The following KHDC1 variants were observed in gnomAD, a reference collection of about 807,000 sequenced individuals.
The protein encoded by KHDC1 is KH domain containing 1, also known as KH homology domain-containing protein 1.
In KHDC1, 21 loss-of-function variants were observed where a neutral mutation model predicts 24.7. The ratio of observed to expected loss-of-function variants is 0.85; its 90% CI spans 0.60 to 1.23. The LOEUF is 1.23. Ranked by LOEUF, KHDC1 falls within the 50% of genes most tolerant of loss-of-function variation. The probability of loss-of-function intolerance (pLI) is 0.00; values close to 1 mark genes in which losing one functional copy is unlikely to be tolerated. For synonymous variants in KHDC1, 98 were observed against 111.7 expected, an observed-to-expected ratio of 0.88 and a Z score of 0.77; for missense variants, 274 against 298.5, an observed-to-expected ratio of 0.92 and a Z score of 0.61.
At chr6:73,284,777 A>G (rs1378679824) in intron 2 of KHDC1, 1 of 152,096 alleles carries the variant, frequency 6.6e-6, no homozygotes, top group Non-Finnish European at 1.5e-5. Flanking sequence ...TATCAGGCTT[A>G]TCCACCCTTC....
At chr6:73,303,806 A>C (rs1358329077) in intron 1 of KHDC1, among the ~76,000 whole-genome samples, 1 of 152,238 alleles carries the variant, frequency 6.6e-6, no homozygotes, top group Non-Finnish European at 1.5e-5. Flanking sequence ...ATGATGTGGG[A>C]TTCTGAATTG....
At chr6:73,263,163 G>A in intron 2 of KHDC1, 1 of 987,106 alleles carries the variant, frequency 1.0e-6, no homozygotes, top group Non-Finnish European at 1.2e-6. Flanking sequence ...CCCGGCTCGC[G>A]CCGCGGCCGC....
chr6:73,265,385 C>T (rs781482559), intron 2 of KHDC1, among the ~76,000 whole-genome samples: 40 of 152,046 alleles, frequency 2.6e-4, no homozygotes, highest in South Asian at 1.0e-3. Flanking sequence ...AGAAATTAGT[C>T]GGGCATGATG....
At chr6:73,259,261 TG>T (rs750052716) in intron 2 of KHDC1, among the ~76,000 whole-genome samples, 77 of 150,404 alleles carry the variant, frequency 5.1e-4, no homozygotes, top group Middle Eastern at 3.2e-3. Flanking sequence ...GAAGGCTTTC[TG>T]CTGACAAATC....
intron 2 of KHDC1, among the ~76,000 whole-genome samples, chr6:73,243,251 C>G (rs1479568783): frequency 6.6e-6 from 1 of 152,132 alleles, no homozygotes; most frequent in Non-Finnish European, 1.5e-5. Context: ...ACTGAGCAAC[C>G]TTGACTGGTT....
intron 2 of KHDC1, among the ~76,000 whole-genome samples, chr6:73,255,214 CTTTT>C (rs765910035): frequency 4.9e-5 from 6 of 121,268 alleles, no homozygotes; most frequent in Admixed American, 8.4e-5. Context: ...AAAAAATAAA[CTTTT>C]TTTTTTTTTT....
At chr6:73,306,441 T>G (rs917973676) in intron 1 of KHDC1, among the ~76,000 whole-genome samples, 1 of 152,168 alleles carries the variant, frequency 6.6e-6, no homozygotes, top group East Asian at 1.9e-4. Flanking sequence ...TTCTGCTTAC[T>G]AAAAACGTCC....
chr6:73,267,131 A>G (rs919260194), intron 2 of KHDC1, among the ~76,000 whole-genome samples: 3 of 152,242 alleles, frequency 2.0e-5, no homozygotes, highest in African/African-American at 7.2e-5. Flanking sequence ...CATTAGGGAA[A>G]TGCAGATCAA....
In KHDC1 at chr6:73,299,400, A is replaced by T. The variant is rs182939327; in HGVS notation, c.164-7360T>A. 2.6e-5 allele frequency: 4 copies of T among 152,406 alleles called. No individual in the cohort carries two copies. In the East Asian group the frequency reaches 7.7e-4, roughly 29 times the overall value. 9.4% of individuals were successfully genotyped at this position (152,406 alleles called of 1,614,324 possible). A position where few individuals can be genotyped will look rare whatever the true frequency, so the allele number is the denominator to read the frequency against. The stretch of plus-strand genomic sequence containing the variant: ...TTCCGTGAGCAGCTTTGTTGGAGAC[A>T]GCGCGGTTCACATTCTCTTCCAACG... On this transcript the variant is annotated intron_variant, in intron 1 of 4. Transcript: ENST00000370384.
At position 73,263,791 on chromosome 6, in the gene KHDC1, A is replaced by C. The variant is rs184624177; in HGVS notation, c.207-21261T>G. ...CATTGCTTCCTGCGGATTCCATTTTACTCCTGTTCGTTTATGGCCTCAAAC... is the reference window on the plus strand; with the variant it reads ...CATTGCTTCCTGCGGATTCCATTTTCCTCCTGTTCGTTTATGGCCTCAAAC... On this transcript the variant is annotated intron_variant, in intron 2 of 4. Transcript: ENST00000370384. 1.3e-4 allele frequency among the ~76,000 whole-genome samples: 20 copies of C among 151,538 alleles called. No homozygotes were observed. In the East Asian group the frequency reaches 3.5e-3, roughly 26 times the overall value.
chr6:73,307,468 G>C (rs1433143309), intron 1 of KHDC1, among the ~76,000 whole-genome samples: 3 of 152,070 alleles, frequency 2.0e-5, no homozygotes, highest in Admixed American at 6.6e-5. Context: ...AAAATCATTA[G>C]AGCATTATTT....
In KHDC1 at chr6:73,272,841, CT is replaced by C. The variant is rs1397367663; in HGVS notation, c.206+19156del. The stretch of plus-strand genomic sequence containing the variant: ...TAGGGCCTGGGCTGGATAATTTTTT[CT>C]TTTCTTTTCTTTTCTTTTTCTTTTT... On this transcript the variant is annotated intron_variant, in intron 2 of 4. Coordinates refer to ENST00000370384, the Ensembl canonical transcript of KHDC1. Among the ~76,000 whole-genome samples the C allele has an allele frequency of 2.8e-5, 4 of 143,140 alleles. No homozygotes were observed. The East Asian group carries it at 6.2e-4, about 22-fold the overall frequency. 93.9% of individuals were successfully genotyped at this position (143,140 alleles called of 152,430 possible). A position where few individuals can be genotyped will look rare whatever the true frequency, so the allele number is the denominator to read the frequency against.
At chr6:73,243,944 G>C (rs1253246090) in intron 2 of KHDC1, among the ~76,000 whole-genome samples, 2 of 152,096 alleles carry the variant, frequency 1.3e-5, no homozygotes, top group Admixed American at 6.6e-5. Context: ...GACAAATTTT[G>C]GACCGCCTTT....
chr6:73,244,756 G>T (rs962597187), intron 2 of KHDC1, among the ~76,000 whole-genome samples: 1 of 151,802 alleles, frequency 6.6e-6, no homozygotes, highest in Non-Finnish European at 1.5e-5. Flanking sequence ...AATAAAGGAA[G>T]ACTTCATCTT....
chr6:73,248,508 A>C (rs898569064), intron 2 of KHDC1, among the ~76,000 whole-genome samples: 1 of 152,116 alleles, frequency 6.6e-6, no homozygotes, highest in African/African-American at 2.4e-5. Context: ...GGAAAGACTT[A>C]GGGTGAAGTA....
intron 2 of KHDC1, chr6:73,290,496 T>A (rs1305476275): frequency 2.7e-6 from 1 of 367,594 alleles, no homozygotes; most frequent in African/African-American, 2.1e-5. Flanking sequence ...ATGAAGGTGA[T>A]GGCATCTATA....
chr6:73,241,347 C>T (rs955948185), exon 5 of KHDC1: 9 of 591,498 alleles, frequency 1.5e-5, no homozygotes, highest in Non-Finnish European at 2.7e-5. Flanking sequence ...TATTGGATTG[C>T]TTTGCCAATA....
In KHDC1 at chr6:73,251,743, T is replaced by C. The variant is rs551291241; in HGVS notation, c.207-9213A>G. On this transcript the variant is annotated intron_variant, in intron 2 of 4. Transcript: ENST00000370384. ...TACACAGTTTGATGACAAAAATAAT[T>C]TAAATTAAATCATATCCTTTTTAAA... is the stretch of plus-strand genomic sequence containing the variant. Among the ~76,000 whole-genome samples, 16 of 152,186 alleles carry C rather than the reference T, an allele frequency of 1.1e-4. 1 individual carries two copies. Among genetic ancestry groups the C allele is most frequent in the African/African-American group, 3.6e-4 (15 of 41,544 alleles).
intron 1 of KHDC1, among the ~76,000 whole-genome samples, chr6:73,296,746 G>C (rs746368792): frequency 2.0e-5 from 3 of 152,118 alleles, no homozygotes; most frequent in African/African-American, 7.2e-5. Context: ...AGACTATCCA[G>C]TTTGCAAATC....
Sources: gnomAD v4.1 joint callset for allele counts (sites outside exome capture counted in the v4.1 genomes callset) on GRCh38, gnomAD v4.1.1 for gene constraint, MANE v1.5 for transcripts, NCBI Gene and HGNC (gene_info 2026-07-23, HGNC 2026-07-21) for gene names.